The following CDH13 variants were observed in gnomAD, a reference collection of about 807,000 sequenced individuals.
The protein encoded by CDH13 is cadherin 13.
Under a neutral mutation model 63.8 loss-of-function variants are expected in CDH13, and 24 were observed. That is an observed-to-expected ratio of 0.38 (90% CI 0.27 to 0.53). The LOEUF is 0.53. CDH13 is among the 20% of genes least tolerant of loss of function. The pLI, the probability that CDH13 is intolerant of heterozygous loss-of-function variation, is 0.85. For synonymous variants in CDH13, 503 were observed against 355.3 expected (o/e 1.42, Z -4.67); for missense variants, 1,049 against 903.1 (o/e 1.16, Z -2.07).
At chr16:83,522,020 C>G (rs1420162095) in intron 7 of CDH13, among the ~76,000 whole-genome samples, 1 of 152,200 alleles carries the variant, frequency 6.6e-6, no homozygotes, top group Non-Finnish European at 1.5e-5. Context: ...AATCCATCAG[C>G]TGTTAAATGC....
At chr16:83,350,912 G>A (rs1669770476) in intron 6 of CDH13, among the ~76,000 whole-genome samples, 1 of 152,154 alleles carries the variant, frequency 6.6e-6, no homozygotes, top group African/African-American at 2.4e-5. Flanking sequence ...AGCCATTCCA[G>A]ACATAAGAAA....
rs114922482 is a variant in CDH13 at position 82,800,279 on chromosome 16, A to T, written c.46-58083A>T. Among the ~76,000 whole-genome samples the T allele has an allele frequency of 5.6e-3, 847 of 152,284 alleles. 11 individuals carry two copies. The highest frequency in any genetic ancestry group is 0.018 in the African/African-American group (756 of 41,556). ...ATGAGGAAGTTGGGTCTCATTCAGT[A>T]GGTTAGGTCTCCTTTAAAATTGTAT... On this transcript the variant is annotated intron_variant, in intron 1 of 13. Coordinates refer to ENST00000567109, the MANE Select transcript of CDH13 (RefSeq NM_001257.5).
At chr16:82,734,809 A>G (rs1597435716) in intron 1 of CDH13, among the ~76,000 whole-genome samples, 1 of 152,208 alleles carries the variant, frequency 6.6e-6, no homozygotes, top group Admixed American at 6.5e-5. Context: ...CAATGGCAAC[A>G]ACAGTTACAA....
chr16:83,349,313 T>C (rs2090903112), intron 6 of CDH13, among the ~76,000 whole-genome samples: 1 of 152,120 alleles, frequency 6.6e-6, no homozygotes, highest in Non-Finnish European at 1.5e-5. Context: ...GAGTAGGGGG[T>C]AGAGGGTGAG....
At chr16:83,062,715 G>C (rs1003058014) in intron 3 of CDH13, among the ~76,000 whole-genome samples, 1 of 152,136 alleles carries the variant, frequency 6.6e-6, no homozygotes, top group African/African-American at 2.4e-5. Context: ...TCCAAACTTA[G>C]AGACTTGAAA....
Position 82,773,841 on chromosome 16 carries a change from T to C in CDH13, c.46-84521T>C, listed in dbSNP as rs147677908. Among the ~76,000 whole-genome samples, 795 of 151,842 alleles carry C rather than the reference T, an allele frequency of 5.2e-3. 10 individuals carry two copies. The highest frequency in any genetic ancestry group is 0.018 in the African/African-American group (743 of 41,418). On this transcript the variant is annotated intron_variant, in intron 1 of 13. Coordinates refer to ENST00000567109, the MANE Select transcript of CDH13 (RefSeq NM_001257.5). ...CACTGTCACCCAGGCTGGAGTGCAA[T>C]TGCGCGATCTCAGCTCACTGCAACC...
intron 5 of CDH13, among the ~76,000 whole-genome samples, chr16:83,287,367 C>T (rs543891315): frequency 6.6e-6 from 1 of 152,300 alleles, no homozygotes; most frequent in East Asian, 1.9e-4. Flanking sequence ...ACCTGGCTGC[C>T]CAGCAGGAGG....
chr16:83,533,775 C>G (rs2075132349), intron 7 of CDH13, among the ~76,000 whole-genome samples: 1 of 151,906 alleles, frequency 6.6e-6, no homozygotes, highest in African/African-American at 2.4e-5. Context: ...TGTGCACCAC[C>G]ACGCCCAGCT....
intron 8 of CDH13, among the ~76,000 whole-genome samples, chr16:83,615,180 A>T (rs1909183196): frequency 1.3e-5 from 2 of 152,168 alleles, no homozygotes; most frequent in African/African-American, 4.8e-5. Context: ...AATATATTTG[A>T]GTGCTTCAAA....
chr16:82,952,416 T>A (rs1376977530), intron 2 of CDH13, among the ~76,000 whole-genome samples: 4 of 152,208 alleles, frequency 2.6e-5, no homozygotes, highest in African/African-American at 7.2e-5. Context: ...TAGTAAGCTT[T>A]CAATGAGTGT....
At chr16:83,780,304 G>A (rs1463230046) in intron 12 of CDH13, 103 bp downstream of exon 12, 4 of 746,336 alleles carry the variant, frequency 5.4e-6, no homozygotes, top group African/African-American at 5.3e-5. Flanking sequence ...ATTCTCATTT[G>A]GTTCATTTTA....
At chr16:83,489,317 T>C (rs2073959205) in intron 7 of CDH13, among the ~76,000 whole-genome samples, 1 of 152,206 alleles carries the variant, frequency 6.6e-6, no homozygotes, top group Admixed American at 6.5e-5. Context: ...TAAGCATTTC[T>C]AGTCACAAAA....
chr16:83,463,737 C>T (rs2073238576), intron 6 of CDH13, among the ~76,000 whole-genome samples: 1 of 152,140 alleles, frequency 6.6e-6, no homozygotes, highest in Admixed American at 6.5e-5. Flanking sequence ...CCCAGGAGGT[C>T]AGGGCTGCAG....
chr16:82,729,859 G>T (rs750766301), intron 1 of CDH13, among the ~76,000 whole-genome samples: 4 of 152,168 alleles, frequency 2.6e-5, no homozygotes, highest in African/African-American at 9.7e-5. Flanking sequence ...AGATCTTCTG[G>T]AAAACTTGTT....
At chr16:83,390,212 G>T (rs2091759759) in intron 6 of CDH13, among the ~76,000 whole-genome samples, 1 of 152,200 alleles carries the variant, frequency 6.6e-6, no homozygotes, top group African/African-American at 2.4e-5. Flanking sequence ...CCTTCATACA[G>T]CTTTGAATGC....
intron 6 of CDH13, among the ~76,000 whole-genome samples, chr16:83,465,442 G>C (rs2073286674): frequency 1.3e-5 from 2 of 152,206 alleles, no homozygotes; most frequent in African/African-American, 4.8e-5. Context: ...TGTCCCCATG[G>C]ACATAGATGT....
intron 1 of CDH13, among the ~76,000 whole-genome samples, chr16:82,731,681 A>G (rs1479259563): frequency 1.3e-5 from 2 of 152,250 alleles, no homozygotes; most frequent in Non-Finnish European, 2.9e-5. Flanking sequence ...AGTTGGCTAC[A>G]AGTGTAAGAG....
intron 1 of CDH13, among the ~76,000 whole-genome samples, chr16:82,683,660 T>C (rs1914779340): frequency 6.6e-6 from 1 of 152,180 alleles, no homozygotes; most frequent in Admixed American, 6.5e-5. Context: ...TTCAAGCAAG[T>C]TGATAGAGAT....
At chr16:83,096,696 G>A (rs944357426) in intron 3 of CDH13, among the ~76,000 whole-genome samples, 7 of 152,196 alleles carry the variant, frequency 4.6e-5, no homozygotes, top group African/African-American at 1.7e-4. Flanking sequence ...GCAATTATAT[G>A]TTGGGAGGGG....
Sources: gnomAD v4.1 joint callset for allele counts (sites outside exome capture counted in the v4.1 genomes callset) on GRCh38, gnomAD v4.1.1 for gene constraint, MANE v1.5 for transcripts, NCBI Gene and HGNC (gene_info 2026-07-23, HGNC 2026-07-21) for gene names.